Variants in ANO6 observed in about 807,000 individuals in gnomAD.
The protein encoded by ANO6 is anoctamin-6.
Under a neutral mutation model 117.5 loss-of-function variants are expected in ANO6, and 106 were observed. The observed-to-expected ratio is 0.90, with a 90% confidence interval of 0.77 to 1.06. The LOEUF (loss-of-function observed/expected upper bound fraction) is 1.06, where lower values mean the gene tolerates loss of function less well. Among genes scored for constraint, ANO6 ranks in the 50% least tolerant of loss-of-function variants. The pLI, the probability that ANO6 is intolerant of heterozygous loss-of-function variation, is 0.00. For missense variants in ANO6, 955 were observed against 1,121.1 expected, an observed-to-expected ratio of 0.85 and a Z score of 2.12; for synonymous variants, 367 against 385.1, an observed-to-expected ratio of 0.95 and a Z score of 0.55.
At chr12:45,359,964 G>A (rs1941512175) in intron 8 of ANO6, among the ~76,000 whole-genome samples, 1 of 152,168 alleles carries the variant, frequency 6.6e-6, no homozygotes, top group Non-Finnish European at 1.5e-5. Context: ...CATTCTAGTT[G>A]GTATGAAGTG....
intron 2 of ANO6, among the ~76,000 whole-genome samples, chr12:45,323,890 T>C (rs1940366782): frequency 6.6e-6 from 1 of 151,770 alleles, no homozygotes; most frequent in Admixed American, 6.6e-5. Flanking sequence ...TATAGTCAGC[T>C]GAAAACATTT....
Position 45,326,203 on chromosome 12 carries a change from T to C in ANO6, c.151-5092T>C, listed in dbSNP as rs78559455. ...AGGTAAAATCAGGAAGCCATTGATATGTGAACATTCCCTTGCATACAAGGC... is the reference window on the plus strand; with the variant it reads ...AGGTAAAATCAGGAAGCCATTGATACGTGAACATTCCCTTGCATACAAGGC... On this transcript the variant is annotated intron_variant, in intron 2 of 19. Transcript: ENST00000320560. 9.5e-3 allele frequency among the ~76,000 whole-genome samples: 1,448 copies of C among 152,268 alleles called. 23 individuals carry two copies. Among genetic ancestry groups the C allele is most frequent in the African/African-American group, 0.033 (1,366 of 41,542 alleles).
intron 2 of ANO6, among the ~76,000 whole-genome samples, chr12:45,307,854 A>G (rs1939719304): frequency 6.6e-6 from 1 of 151,976 alleles, no homozygotes; most frequent in Admixed American, 6.6e-5. Flanking sequence ...GTAGGAAGGA[A>G]TGACCACATT....
chr12:45,342,409 C>T (rs1352971830), intron 3 of ANO6, among the ~76,000 whole-genome samples: 1 of 152,238 alleles, frequency 6.6e-6, no homozygotes, highest in Admixed American at 6.5e-5. Context: ...CTGTCTAAGC[C>T]TCATTCCTTT....
At chr12:45,392,454 C>G (rs1421895119) in intron 12 of ANO6, among the ~76,000 whole-genome samples, 1 of 152,228 alleles carries the variant, frequency 6.6e-6, no homozygotes, top group Admixed American at 6.5e-5. Context: ...GAAACTTCTG[C>G]AGACTTAAAT....
intron 3 of ANO6, among the ~76,000 whole-genome samples, chr12:45,333,411 T>C (rs1434681439): frequency 2.0e-5 from 3 of 152,158 alleles, no homozygotes; most frequent in South Asian, 2.1e-4. Context: ...TGGATCTGGA[T>C]TGAGCAATAT....
At chr12:45,439,757 T>C (rs1943749992) in exon 20 of ANO6, 2 of 1,549,722 alleles carry the variant, frequency 1.3e-6, no homozygotes, top group South Asian at 1.2e-5. Flanking sequence ...GACTGCTGTA[T>C]GTGTTATAGG....
chr12:45,339,480 A>G (rs984867138), intron 3 of ANO6, among the ~76,000 whole-genome samples: 17 of 151,996 alleles, frequency 1.1e-4, no homozygotes, highest in African/African-American at 3.6e-4. Context: ...CAGAATGAGC[A>G]TTTATTTCTT....
intron 10 of ANO6, among the ~76,000 whole-genome samples, chr12:45,378,764 TA>T (rs1942095909): frequency 6.6e-6 from 1 of 152,132 alleles, no homozygotes; most frequent in Non-Finnish European, 1.5e-5. Context: ...ACCTAACTTT[TA>T]TGGGGGTGGA....
chr12:45,294,212 A>AAC (rs1939213284), intron 1 of ANO6, among the ~76,000 whole-genome samples: 1 of 152,182 alleles, frequency 6.6e-6, no homozygotes, highest in Non-Finnish European at 1.5e-5. Context: ...TGGGGAATTG[A>AAC]ACTGATGATA....
intron 1 of ANO6, among the ~76,000 whole-genome samples, chr12:45,257,804 T>C (rs1054297088): frequency 5.9e-5 from 9 of 152,200 alleles, no homozygotes; most frequent in Non-Finnish European, 1.3e-4. Flanking sequence ...CATGCCACCC[T>C]CCTAAACTTA....
At chr12:45,389,363 G>T (rs1389280983) in intron 11 of ANO6, among the ~76,000 whole-genome samples, 1 of 152,144 alleles carries the variant, frequency 6.6e-6, no homozygotes, top group Non-Finnish European at 1.5e-5. Context: ...TGTATATTCA[G>T]AAATGAAAGC....
At chr12:45,246,759 CTTTT>C (rs34322669) in intron 1 of ANO6, among the ~76,000 whole-genome samples, 1 of 113,932 alleles carries the variant, frequency 8.8e-6, no homozygotes. Flanking sequence ...TTCCACCCTA[CTTTT>C]TTTTTTTTTT....
intron 19 of ANO6, among the ~76,000 whole-genome samples, chr12:45,437,661 C>T (rs914342549): frequency 4.6e-5 from 7 of 152,036 alleles, no homozygotes; most frequent in African/African-American, 1.4e-4. Context: ...CCTGTGCCTC[C>T]CAGGTTCTAG....
intron 2 of ANO6, among the ~76,000 whole-genome samples, chr12:45,320,525 T>A (rs1940224329): frequency 6.6e-6 from 1 of 152,082 alleles, no homozygotes; most frequent in African/African-American, 2.4e-5. Flanking sequence ...TGCTGAGGAG[T>A]GCTTTACTTC....
chr12:45,404,137 A>C (rs1565755850), intron 15 of ANO6, among the ~76,000 whole-genome samples: 1 of 152,192 alleles, frequency 6.6e-6, no homozygotes, highest in Non-Finnish European at 1.5e-5. Flanking sequence ...TTTTAAGAAT[A>C]GAGGTTCTTT....
chr12:45,325,632 G>A (rs924930656), intron 2 of ANO6, among the ~76,000 whole-genome samples: 4 of 152,136 alleles, frequency 2.6e-5, no homozygotes, highest in African/African-American at 9.7e-5. Flanking sequence ...TAGAAAAGGA[G>A]AGTATAAAAA....
At chr12:45,377,824 G>A (rs1286739447) in intron 9 of ANO6, among the ~76,000 whole-genome samples, 1 of 152,078 alleles carries the variant, frequency 6.6e-6, no homozygotes, top group Non-Finnish European at 1.5e-5. Context: ...GAGTTTCACT[G>A]GAAAATACAC....
At chr12:45,285,109 CT>C (rs1315883553) in intron 1 of ANO6, among the ~76,000 whole-genome samples, 1 of 152,142 alleles carries the variant, frequency 6.6e-6, no homozygotes, top group African/African-American at 2.4e-5. Context: ...CTTAAATTTC[CT>C]TAGCTATGCC....
Sources: gnomAD v4.1 joint callset for allele counts (sites outside exome capture counted in the v4.1 genomes callset) on GRCh38, gnomAD v4.1.1 for gene constraint, MANE v1.5 for transcripts, NCBI Gene and HGNC (gene_info 2026-07-23, HGNC 2026-07-21) for gene names.